Variants in ADARB2 observed in about 807,000 individuals in gnomAD.
ADARB2 encodes the protein inactive double-stranded RNA-specific editase B2.
In ADARB2, 25 loss-of-function variants were observed where a neutral mutation model predicts 62.2. The ratio of observed to expected loss-of-function variants is 0.40; its 90% CI spans 0.29 to 0.56. The LOEUF (loss-of-function observed/expected upper bound fraction) is 0.56, where lower values mean the gene tolerates loss of function less well. Among genes scored for constraint, ADARB2 ranks in the 20% least tolerant of loss-of-function variants. ADARB2 has a pLI of 0.43. For synonymous variants in ADARB2, 572 were observed against 500.8 expected (o/e 1.14, Z -1.90); for missense variants, 1,071 against 1,077.4 (o/e 0.99, Z 0.08).
intron 8 of ADARB2, among the ~76,000 whole-genome samples, chr10:1,189,550 A>G (rs1836809412): frequency 6.6e-6 from 1 of 152,078 alleles, no homozygotes; most frequent in Non-Finnish European, 1.5e-5. Flanking sequence ...GTGAAAATGC[A>G]TTAACTCCTG....
At chr10:1,200,256 TG>T in intron 7 of ADARB2, 109 bp from the exon 8 acceptor site, 1 of 1,451,982 alleles carries the variant, frequency 6.9e-7, no homozygotes, top group Non-Finnish European at 9.5e-7. Flanking sequence ...CTTCCCATCG[TG>T]CGGACCTTGG....
chr10:1,436,952 T>C (rs1377159865), intron 1 of ADARB2, among the ~76,000 whole-genome samples: 1 of 152,216 alleles, frequency 6.6e-6, no homozygotes, highest in East Asian at 1.9e-4. Flanking sequence ...CAGAAAAGTA[T>C]AGTAGTTACA....
At chr10:1,604,654 T>C (rs1258950386) in intron 1 of ADARB2, among the ~76,000 whole-genome samples, 3 of 152,232 alleles carry the variant, frequency 2.0e-5, no homozygotes, top group African/African-American at 7.2e-5. Context: ...ATATTCTCTT[T>C]ACTGTTAACA....
At chr10:1,718,677 C>T (rs11819436) in intron 1 of ADARB2, among the ~76,000 whole-genome samples, 15,981 of 152,180 alleles carry the variant, frequency 0.11, 1,360 homozygotes, top group African/African-American at 0.23. Context: ...AGGGTCTTCA[C>T]GGCTGCTTTA....
intron 1 of ADARB2, among the ~76,000 whole-genome samples, chr10:1,479,255 C>G (rs1252733105): frequency 1.3e-5 from 2 of 152,138 alleles, no homozygotes; most frequent in African/African-American, 4.8e-5. Flanking sequence ...GGGGTACAGA[C>G]CAGAACCCAG....
intron 1 of ADARB2, among the ~76,000 whole-genome samples, chr10:1,433,564 G>T (rs1444240075): frequency 2.0e-5 from 3 of 152,128 alleles, no homozygotes; most frequent in Non-Finnish European, 4.4e-5. Flanking sequence ...TGAGGTTGTT[G>T]TTTGGCCAAG....
At chr10:1,649,927 C>T (rs192975691) in intron 1 of ADARB2, among the ~76,000 whole-genome samples, 20 of 152,324 alleles carry the variant, frequency 1.3e-4, no homozygotes, top group South Asian at 4.1e-4. Flanking sequence ...GAGTGGCTTC[C>T]TGAGGAGCGA....
rs184498791 is a variant in ADARB2, at chr10:1,352,722, G to A, written c.1077+10306C>T. Among the ~76,000 whole-genome samples, 468 of 151,994 alleles carry A rather than the reference G, an allele frequency of 3.1e-3. 6 individuals carry two copies. Among genetic ancestry groups the A allele is most frequent in the Non-Finnish European group, 2.6e-3 (177 of 67,986 alleles). ...CTGACGCATATACTTTCTGCTCCCCGGCTTCTTCAGCTATACTTACTCTTT... is the reference window on the plus strand; with the variant it reads ...CTGACGCATATACTTTCTGCTCCCCAGCTTCTTCAGCTATACTTACTCTTT... On this transcript the variant is annotated intron_variant, in intron 3 of 9. Coordinates refer to ENST00000381312, the MANE Select transcript of ADARB2 (RefSeq NM_018702.4).
At chr10:1,350,627 A>G (rs557306827) in intron 3 of ADARB2, among the ~76,000 whole-genome samples, 2 of 152,346 alleles carry the variant, frequency 1.3e-5, no homozygotes, top group South Asian at 4.1e-4. Context: ...GTTAGCGTTT[A>G]GGCTCTTTTT....
At chr10:1,442,885 A>G (rs1337855401) in intron 1 of ADARB2, among the ~76,000 whole-genome samples, 1 of 152,234 alleles carries the variant, frequency 6.6e-6, no homozygotes, top group Non-Finnish European at 1.5e-5. Context: ...GAGGAAAAAC[A>G]AAAACAAGGA....
chr10:1,626,014 A>AGAC (rs1833762711), intron 1 of ADARB2, among the ~76,000 whole-genome samples: 1 of 118,106 alleles, frequency 8.5e-6, no homozygotes. Flanking sequence ...ACTGGACCTC[A>AGAC]GCTCCTGCAT....
intron 4 of ADARB2, among the ~76,000 whole-genome samples, chr10:1,243,128 G>A (rs1287310790): frequency 6.6e-6 from 1 of 152,204 alleles, no homozygotes; most frequent in African/African-American, 2.4e-5. Context: ...CGTGTCATTA[G>A]ACGGGTCAGT....
intron 2 of ADARB2, among the ~76,000 whole-genome samples, chr10:1,368,477 G>A (rs537583235): frequency 1.7e-4 from 26 of 152,144 alleles, no homozygotes; most frequent in Non-Finnish European, 3.5e-4. Flanking sequence ...GAGCTTCTCC[G>A]TGCACTTTGC....
At chr10:1,419,458 A>T (rs1177258970) in intron 1 of ADARB2, among the ~76,000 whole-genome samples, 1 of 152,214 alleles carries the variant, frequency 6.6e-6, no homozygotes, top group African/African-American at 2.4e-5. Flanking sequence ...AATCCAGCAG[A>T]ATCCATATGA....
At chr10:1,298,539 A>G (rs1831544074) in intron 3 of ADARB2, among the ~76,000 whole-genome samples, 1 of 152,100 alleles carries the variant, frequency 6.6e-6, no homozygotes, top group Non-Finnish European at 1.5e-5. Flanking sequence ...AGCCCAGAGA[A>G]GACTTCATAG....
rs541439912 is a variant in ADARB2, at chr10:1,648,478, C to T, written c.100+88573G>A. Among the ~76,000 whole-genome samples the T allele has an allele frequency of 9.2e-5, 14 of 152,266 alleles. No individual in the cohort carries two copies. The South Asian group carries it at 2.7e-3, about 29-fold the overall frequency. ...TGTTTTTTAGGAAATACTTGTTCTG[C>T]CATCTCCCCCATAGTTTTACAAAGT... On this transcript the variant is annotated intron_variant, in intron 1 of 9. Transcript: ENST00000381312.
Position 1,616,362 on chromosome 10 carries a change from T to G in ADARB2, c.100+120689A>C, listed in dbSNP as rs144942056. On this transcript the variant is annotated intron_variant, in intron 1 of 9. Transcript: ENST00000381312. The stretch of plus-strand genomic sequence containing the variant: ...ACCAGCAAGTAGTGCTAGATGTCTG[T>G]GTGCCCCTCCAGACACACTCTACCC... 2.9e-4 allele frequency among the ~76,000 whole-genome samples: 44 copies of G among 152,368 alleles called. 1 individual carries two copies. In the East Asian group the frequency reaches 7.9e-3, roughly 27 times the overall value.
chr10:1,626,772 G>A (rs552478282), intron 1 of ADARB2, among the ~76,000 whole-genome samples: 5 of 152,222 alleles, frequency 3.3e-5, no homozygotes, highest in South Asian at 2.1e-4. Flanking sequence ...CAACCCGCAC[G>A]GTCTGAAGTG....
chr10:1,439,980 C>T (rs1830884599), intron 1 of ADARB2, among the ~76,000 whole-genome samples: 2 of 139,804 alleles, frequency 1.4e-5, no homozygotes, highest in Admixed American at 1.4e-4. Context: ...AGTTTCTTCA[C>T]TATGGGGCTC....
Sources: gnomAD v4.1 joint callset for allele counts (sites outside exome capture counted in the v4.1 genomes callset) on GRCh38, gnomAD v4.1.1 for gene constraint, MANE v1.5 for transcripts, NCBI Gene and HGNC (gene_info 2026-07-23, HGNC 2026-07-21) for gene names.